Variants in DMD observed in about 807,000 individuals in gnomAD.
DMD encodes mutant dystrophin.
A neutral mutation model predicts 330.1 loss-of-function variants in DMD; 63 were observed. The ratio of observed to expected loss-of-function variants is 0.19; its 90% CI spans 0.16 to 0.24. The LOEUF (loss-of-function observed/expected upper bound fraction) is 0.24. Ranked by LOEUF, DMD falls within the 10% of genes least tolerant of loss-of-function variation. DMD has a pLI of 1.00. For missense variants in DMD, 3,344 were observed against 2,684.1 expected (o/e 1.25, Z -5.43); for synonymous variants, 1,223 against 959.8 (o/e 1.27, Z -5.07).
intron 7 of DMD, among the ~76,000 whole-genome samples, chrX:32,703,124 C>A (rs1335258778): frequency 1.8e-5 from 2 of 111,462 alleles, no homozygotes; most frequent in African/African-American, 6.5e-5. Context: ...TAACAATGGT[C>A]TCACCTGAGT....
At chrX:31,550,951 C>T (rs972540258) in intron 55 of DMD, among the ~76,000 whole-genome samples, 2 of 111,708 alleles carry the variant, frequency 1.8e-5, no homozygotes, top group Admixed American at 9.5e-5. Flanking sequence ...GAGGCCAAGG[C>T]GGGCGGATCA....
intron 48 of DMD, among the ~76,000 whole-genome samples, chrX:31,861,976 C>CACACACACA (rs3220484): frequency 1.9e-5 from 2 of 107,641 alleles, no homozygotes; most frequent in Admixed American, 1.0e-4. Context: ...CACACACACA[C>CACACACACA]CTACATCCTA....
At chrX:31,649,991 C>T (rs931465036) in intron 54 of DMD, among the ~76,000 whole-genome samples, 2 of 110,087 alleles carry the variant, frequency 1.8e-5, no homozygotes, top group East Asian at 2.9e-4. Context: ...AGTCTCACTA[C>T]GTCACCCAGG....
intron 47 of DMD, among the ~76,000 whole-genome samples, chrX:31,917,758 G>C (rs1280414739): frequency 2.7e-5 from 3 of 112,116 alleles, no homozygotes; most frequent in East Asian, 2.8e-4. Flanking sequence ...CCAGTTCAGG[G>C]ACTTGGGAGG....
At chrX:32,109,839 C>G (rs762233587) in intron 44 of DMD, among the ~76,000 whole-genome samples, 1 of 111,666 alleles carries the variant, frequency 9.0e-6, no homozygotes, top group Admixed American at 9.6e-5. Flanking sequence ...TATTTTGTTT[C>G]TAATGTCTCC....
intron 16 of DMD, among the ~76,000 whole-genome samples, chrX:32,564,330 C>G (rs982316396): frequency 9.0e-6 from 1 of 111,718 alleles, no homozygotes; most frequent in Non-Finnish European, 1.9e-5. Context: ...TAATGGCAAT[C>G]TTTCTTAACA....
intron 1 of DMD, among the ~76,000 whole-genome samples, chrX:33,104,548 CTT>C (rs2095269204): frequency 9.2e-6 from 1 of 108,711 alleles, no homozygotes; most frequent in Admixed American, 9.9e-5. Flanking sequence ...AACAACCCCC[CTT>C]TTTCCTTTAT....
At chrX:32,878,106 TG>T (rs2083522225) in intron 2 of DMD, among the ~76,000 whole-genome samples, 1 of 112,442 alleles carries the variant, frequency 8.9e-6, no homozygotes, top group Non-Finnish European at 1.9e-5. Flanking sequence ...CCGGGCGCGG[TG>T]GCTCACGCCT....
chrX:31,845,933 T>TA (rs371489373), intron 48 of DMD, among the ~76,000 whole-genome samples: 5 of 110,548 alleles, frequency 4.5e-5, no homozygotes, highest in African/African-American at 1.6e-4. Context: ...GGTTTGGAGG[T>TA]AAAAATAGTA....
Position 32,883,684 on chromosome X carries a change from C to G in DMD, c.94-33864G>C, listed in dbSNP as rs755207863. On this transcript the variant is annotated intron_variant, in intron 2 of 78. Transcript: ENST00000357033. ...CTAAAAATACAAAAAATTAGCCGGG[C>G]ATGGTGGCGGGCACCTGTAGTCCCA... Among the ~76,000 whole-genome samples the G allele has an allele frequency of 4.6e-5, 5 of 107,762 alleles. No individual in the cohort carries two copies. In the East Asian group the frequency reaches 1.5e-3, roughly 32 times the overall value. 93.6% of individuals were successfully genotyped at this position (107,762 alleles called of 115,157 possible). A position where few individuals can be genotyped will look rare whatever the true frequency, so the allele number is the denominator to read the frequency against.
chrX:31,169,065 T>C (rs953723069), intron 74 of DMD, among the ~76,000 whole-genome samples: 4 of 111,704 alleles, frequency 3.6e-5, no homozygotes, highest in South Asian at 3.7e-4. Flanking sequence ...TCTTAAATGT[T>C]TGAGGTAGAT....
intron 60 of DMD, among the ~76,000 whole-genome samples, chrX:31,402,182 A>T (rs2061221319): frequency 9.0e-6 from 1 of 111,622 alleles, no homozygotes; most frequent in South Asian, 3.8e-4. Flanking sequence ...GAGGGACTGG[A>T]ATAAGAAAAC....
At chrX:31,601,329 T>TAC (rs2077359164) in intron 55 of DMD, among the ~76,000 whole-genome samples, 1 of 112,288 alleles carries the variant, frequency 8.9e-6, no homozygotes, top group Non-Finnish European at 1.9e-5. Flanking sequence ...ATTAACAGCA[T>TAC]ACTATATTGA....
chrX:32,507,113 A>G (rs1168520213), intron 18 of DMD, among the ~76,000 whole-genome samples: 1 of 111,904 alleles, frequency 8.9e-6, no homozygotes, highest in Non-Finnish European at 1.9e-5. Flanking sequence ...CATTTAAGTA[A>G]ATATGTAATG....
chrX:31,364,856 G>T (rs2148608328), intron 60 of DMD, among the ~76,000 whole-genome samples: 1 of 111,044 alleles, frequency 9.0e-6, no homozygotes, highest in South Asian at 3.8e-4. Context: ...CCAGCACTTT[G>T]GGAGGCCGAG....
intron 50 of DMD, 32 bp from the exon 51 acceptor site, chrX:31,774,224 A>G (rs754085506): frequency 7.5e-5 from 77 of 1,029,723 alleles, no homozygotes; most frequent in Non-Finnish European, 9.9e-5. Flanking sequence ...CAAAAAGGAA[A>G]AAAGAAGAAA....
intron 1 of DMD, among the ~76,000 whole-genome samples, chrX:33,052,670 A>G: frequency 8.9e-6 from 1 of 112,028 alleles, no homozygotes; most frequent in East Asian, 2.8e-4. Flanking sequence ...GGTGCCAGAA[A>G]GATATTACTT....
Position 33,327,085 on chromosome X carries a change from T to A in DMD, c.7+12174A>T, listed in dbSNP as rs140827412. Among the ~76,000 whole-genome samples, 450 of 112,537 alleles carry A rather than the reference T, an allele frequency of 4.0e-3. 1 individual carries two copies. The highest frequency in any genetic ancestry group is 0.014 in the African/African-American group (436 of 31,011). On this transcript the variant is annotated intron_variant, in intron 1 of 17. Transcript: ENST00000288447. The stretch of plus-strand genomic sequence containing the variant: ...TTATGAATTAAATGTACTTGTTTTA[T>A]TGACATTCCTATTTGTTCACATACA...
chrX:32,648,844 T>C (rs2059944687), intron 9 of DMD, among the ~76,000 whole-genome samples: 1 of 110,009 alleles, frequency 9.1e-6, no homozygotes, highest in South Asian at 3.7e-4. Context: ...GTACCTAAGA[T>C]TGGAGATCAC....
Sources: allele counts gnomAD v4.1 joint callset (sites outside exome capture counted in the v4.1 genomes callset), GRCh38; gene constraint gnomAD v4.1.1; transcripts MANE v1.5; gene names NCBI Gene and HGNC (gene_info 2026-07-23, HGNC 2026-07-21).